Variants in SYNE3 observed in about 807,000 individuals in gnomAD.
SYNE3 encodes nesprin-3.
Under a neutral mutation model 111.2 loss-of-function variants are expected in SYNE3, and 100 were observed. The ratio of observed to expected loss-of-function variants is 0.90; its 90% CI spans 0.77 to 1.06. The LOEUF is 1.06. SYNE3 is among the 50% of genes least tolerant of loss of function. The probability of loss-of-function intolerance (pLI) is 0.00; values close to 1 mark genes in which losing one functional copy is unlikely to be tolerated. For missense variants in SYNE3, 1,160 were observed against 1,240.3 expected (o/e 0.94, Z 0.97); for synonymous variants, 547 against 533.9 (o/e 1.02, Z -0.34).
At chr14:95,469,474 T>A (rs1358294846) in intron 2 of SYNE3, among the ~76,000 whole-genome samples, 1 of 148,324 alleles carries the variant, frequency 6.7e-6, no homozygotes, top group Non-Finnish European at 1.5e-5. Flanking sequence ...GCAGGAGAAT[T>A]GCTCGAGCTT....
rs554636755 is a variant in SYNE3, at chr14:95,465,331, G to A, written c.627+600C>T. On this transcript the variant is annotated intron_variant, in intron 4 of 17. Transcript: ENST00000682763. Reference sequence around the variant, plus strand: ...ACTGCGAAACACTGGGTATCTGGACGGTAGATAATGGTGAGTGGGTGGTGG... The same window carrying A: ...ACTGCGAAACACTGGGTATCTGGACAGTAGATAATGGTGAGTGGGTGGTGG... Among the ~76,000 whole-genome samples, 14 of 80,812 alleles carry A rather than the reference G, an allele frequency of 1.7e-4. No homozygotes were observed. The South Asian group carries it at 3.8e-3, about 22-fold the overall frequency. 53.0% of individuals were successfully genotyped at this position (80,812 alleles called of 152,430 possible).
At chr14:95,504,895 G>A (rs914544361) in intron 1 of SYNE3, among the ~76,000 whole-genome samples, 2 of 152,208 alleles carry the variant, frequency 1.3e-5, no homozygotes, top group Admixed American at 6.5e-5. Flanking sequence ...AAGGCTCACC[G>A]GCCAACTCTC....
chr14:95,509,362 C>T (rs1180228396), intron 1 of SYNE3, among the ~76,000 whole-genome samples: 2 of 152,118 alleles, frequency 1.3e-5, no homozygotes, highest in East Asian at 3.9e-4. Flanking sequence ...GCTGGGCCAG[C>T]TGGGAACGTG....
intron 17 of SYNE3, among the ~76,000 whole-genome samples, chr14:95,427,368 G>T (rs893660746): frequency 6.6e-6 from 1 of 152,158 alleles, no homozygotes; most frequent in Admixed American, 6.5e-5. Context: ...CTCTTGTGGA[G>T]GGCCTGACAT....
intron 17 of SYNE3, among the ~76,000 whole-genome samples, chr14:95,424,756 C>T (rs1885341941): frequency 6.6e-6 from 1 of 152,100 alleles, no homozygotes; most frequent in Non-Finnish European, 1.5e-5. Flanking sequence ...CCGGCCTGTA[C>T]TCAAAAAGGT....
chr14:95,457,181 A>C lies in SYNE3; in HGVS notation c.785T>G (p.Leu262Arg), dbSNP rs765330240. The C allele has an allele frequency of 1.2e-6, 2 of 1,613,254 alleles. No individual in the cohort carries two copies. The highest frequency in any genetic ancestry group is 1.7e-6 in the Non-Finnish European group (2 of 1,179,760). The change falls in exon 5 of 18, where the codon CTG (leucine) becomes CGG (arginine). Residue 262 changes from leucine to arginine, a missense_variant. Coordinates refer to ENST00000682763, the MANE Select transcript of SYNE3 (RefSeq NM_152592.6). Reference sequence around the variant, plus strand: ...TGAGACACAGCTGGGGATTACCTGCAGTGTGGAGAGGCGCTGCGTGATGGG... The same window carrying C: ...TGAGACACAGCTGGGGATTACCTGCCGTGTGGAGAGGCGCTGCGTGATGGG... ...KLPITQRLST[L>R]QDIAKDFPRG...
At chr14:95,425,412 A>G (rs1187758) in intron 17 of SYNE3, among the ~76,000 whole-genome samples, 86,913 of 152,004 alleles carry the variant, frequency 0.57, 26,404 homozygotes, top group Non-Finnish European at 0.67. Flanking sequence ...TGGAGACAGC[A>G]GAAAGATGTG....
chr14:95,462,291 T>C (rs1887882735), intron 4 of SYNE3, among the ~76,000 whole-genome samples: 1 of 152,102 alleles, frequency 6.6e-6, no homozygotes, highest in African/African-American at 2.4e-5. Context: ...ACCACAGCCC[T>C]CCTGTCTAAG....
intron 4 of SYNE3, among the ~76,000 whole-genome samples, chr14:95,463,410 A>G (rs1217011804): frequency 6.6e-6 from 1 of 152,212 alleles, no homozygotes; most frequent in Non-Finnish European, 1.5e-5. Flanking sequence ...CCTCACGTAC[A>G]AACATGCACA....
chr14:95,509,931 G>A (rs182194364), intron 1 of SYNE3, among the ~76,000 whole-genome samples: 94 of 152,318 alleles, frequency 6.2e-4, no homozygotes, highest in Non-Finnish European at 1.2e-3. Context: ...AGGGAGTTAG[G>A]AGATACCATC....
intron 1 of SYNE3, among the ~76,000 whole-genome samples, chr14:95,486,209 C>G (rs1889537407): frequency 6.6e-6 from 1 of 152,134 alleles, no homozygotes; most frequent in African/African-American, 2.4e-5. Context: ...ACTGAGCCAG[C>G]CCCCAGGCCC....
At chr14:95,514,419 C>T (rs1890837745) in intron 1 of SYNE3, among the ~76,000 whole-genome samples, 1 of 152,190 alleles carries the variant, frequency 6.6e-6, no homozygotes, top group Non-Finnish European at 1.5e-5. Context: ...CCACCATTGA[C>T]AGACAAGGGG....
intron 1 of SYNE3, among the ~76,000 whole-genome samples, chr14:95,502,641 C>T (rs561552693): frequency 6.6e-6 from 1 of 152,256 alleles, no homozygotes; most frequent in African/African-American, 2.4e-5. Context: ...CAACTAATTA[C>T]GACACCACCA....
chr14:95,489,668 T>C (rs1344343451), intron 1 of SYNE3, among the ~76,000 whole-genome samples: 1 of 152,214 alleles, frequency 6.6e-6, no homozygotes, highest in East Asian at 1.9e-4. Context: ...CCCAGGCTGG[T>C]CTCAAACTTT....
Position 95,417,608 on chromosome 14 carries a change from T to C in SYNE3, c.*218A>G. 1 of 591,920 alleles carries C rather than the reference T, an allele frequency of 1.7e-6. No individual in the cohort carries two copies. Among genetic ancestry groups the C allele is most frequent in the Non-Finnish European group, 3.0e-6 (1 of 329,906 alleles). 36.7% of individuals were successfully genotyped at this position (591,920 alleles called of 1,614,324 possible). On this transcript the variant is annotated 3_prime_UTR_variant, in exon 18 of 18. Coordinates refer to ENST00000682763, the MANE Select transcript of SYNE3 (RefSeq NM_152592.6). ...ATCATATAAAAATTCTAGACATTAT[T>C]CCCTAGTCACATGTAGTACACATTT...
intron 1 of SYNE3, among the ~76,000 whole-genome samples, chr14:95,504,562 C>T (rs1327809244): frequency 6.6e-6 from 1 of 152,226 alleles, no homozygotes; most frequent in African/African-American, 2.4e-5. Flanking sequence ...GCTGAGTTCC[C>T]CCCACACTGT....
intron 1 of SYNE3, among the ~76,000 whole-genome samples, chr14:95,484,984 G>C (rs550586355): frequency 6.0e-4 from 92 of 152,200 alleles, no homozygotes; most frequent in Non-Finnish European, 1.0e-3. Context: ...TATAAAACTG[G>C]GGGCTAAGAA....
At chr14:95,495,027 G>C (rs756013109) in intron 1 of SYNE3, among the ~76,000 whole-genome samples, 1 of 151,848 alleles carries the variant, frequency 6.6e-6, no homozygotes, top group Non-Finnish European at 1.5e-5. Flanking sequence ...CAGGAGAATC[G>C]CTTGAACCTG....
Position 95,415,696 on chromosome 14 carries a change from CA to C in SYNE3, c.*2129del, listed in dbSNP as rs35235990. 53,947 of 142,404 alleles carry C rather than the reference CA, an allele frequency of 0.38. 10,679 individuals carry two copies. Among genetic ancestry groups the C allele is most frequent in the Non-Finnish European group, 0.47 (31,006 of 65,758 alleles). 8.8% of individuals were successfully genotyped at this position (142,404 alleles called of 1,614,324 possible). On this transcript the variant is annotated 3_prime_UTR_variant, in exon 18 of 18. Coordinates refer to ENST00000682763, the MANE Select transcript of SYNE3 (RefSeq NM_152592.6). ...GCCTACAGCTTATCATAAAGCTATT[CA>C]AAAAAAAAAAAAAATGGCCAGGCAT...
Sources: allele counts gnomAD v4.1 joint callset (sites outside exome capture counted in the v4.1 genomes callset), GRCh38; gene constraint gnomAD v4.1.1; transcripts MANE v1.5; gene names NCBI Gene and HGNC (gene_info 2026-07-23, HGNC 2026-07-21).